TMEM117: variants seen among roughly 807,000 people sequenced by gnomAD.
The protein encoded by TMEM117 is transmembrane protein 117.
In TMEM117, 27 loss-of-function variants were observed where a neutral mutation model predicts 52.4. That is an observed-to-expected ratio of 0.51 (90% CI 0.38 to 0.71). The LOEUF (loss-of-function observed/expected upper bound fraction) is 0.71, where lower values mean the gene tolerates loss of function less well. Ranked by LOEUF, TMEM117 falls within the 30% of genes least tolerant of loss-of-function variation. The pLI is 0.00. For missense variants in TMEM117, 556 were observed against 630.5 expected (o/e 0.88, Z 1.26); for synonymous variants, 215 against 206.3 (o/e 1.04, Z -0.36).
At chr12:43,862,409 G>A (rs1261528510) in intron 2 of TMEM117, among the ~76,000 whole-genome samples, 1 of 152,082 alleles carries the variant, frequency 6.6e-6, no homozygotes, top group Non-Finnish European at 1.5e-5. Flanking sequence ...CACCTGCCTT[G>A]GCCTCCCAAA....
At chr12:44,265,817 T>C (rs1950371126) in intron 5 of TMEM117, among the ~76,000 whole-genome samples, 1 of 152,204 alleles carries the variant, frequency 6.6e-6, no homozygotes, top group African/African-American at 2.4e-5. Context: ...TTTATTTACC[T>C]ATTCTGGATA....
At chr12:44,042,761 T>C (rs1173052157) in intron 3 of TMEM117, among the ~76,000 whole-genome samples, 1 of 132,074 alleles carries the variant, frequency 7.6e-6, no homozygotes, top group Non-Finnish European at 1.6e-5. Flanking sequence ...CTTAATAAAC[T>C]ACACACACAC....
chr12:44,117,353 T>C (rs1334022352), intron 3 of TMEM117, among the ~76,000 whole-genome samples: 1 of 152,104 alleles, frequency 6.6e-6, no homozygotes, highest in African/African-American at 2.4e-5. Context: ...TGTTTTTTTT[T>C]CTTTAATTGT....
chr12:44,255,832 C>T (rs1314803141), intron 5 of TMEM117, among the ~76,000 whole-genome samples: 3 of 151,974 alleles, frequency 2.0e-5, no homozygotes, highest in Admixed American at 2.0e-4. Flanking sequence ...TTTCTATTAG[C>T]ATTTAAAAAA....
At position 44,090,839 on chromosome 12, in the gene TMEM117, G is replaced by GTTTTTTTTTTTTTTTT. The variant is rs1264179472; in HGVS notation, c.411-52677_411-52676insTTTTTTTTTTTTTTTT. The stretch of plus-strand genomic sequence containing the variant: ...CTAATTCTTAATCCTGTATTTATGT[G>GTTTTTTTTTTTTTTTT]TTTTTTTTTGTTTTTTTTTTTTTTT... On this transcript the variant is annotated intron_variant, in intron 3 of 7. Coordinates refer to ENST00000266534, the MANE Select transcript of TMEM117 (RefSeq NM_032256.3). 2.1e-4 allele frequency among the ~76,000 whole-genome samples: 22 copies of GTTTTTTTTTTTTTTTT among 104,794 alleles called. 2 individuals are homozygous for GTTTTTTTTTTTTTTTT. The highest frequency in any genetic ancestry group is 9.5e-4 in the African/African-American group (21 of 22,140). 68.7% of individuals were successfully genotyped at this position (104,794 alleles called of 152,430 possible).
chr12:43,840,816 T>G (rs1943105159), intron 1 of TMEM117, among the ~76,000 whole-genome samples: 1 of 152,172 alleles, frequency 6.6e-6, no homozygotes, highest in Non-Finnish European at 1.5e-5. Flanking sequence ...AATGGAAAGG[T>G]TTTGCAGACT....
intron 3 of TMEM117, among the ~76,000 whole-genome samples, chr12:43,970,871 G>T (rs1945572790): frequency 1.3e-5 from 2 of 152,006 alleles, no homozygotes; most frequent in East Asian, 1.9e-4. Flanking sequence ...TTATGCAGGA[G>T]ATTCTAAAAT....
At chr12:44,238,392 A>AG (rs1233147697) in intron 5 of TMEM117, among the ~76,000 whole-genome samples, 5 of 152,040 alleles carry the variant, frequency 3.3e-5, no homozygotes, top group Non-Finnish European at 7.4e-5. Flanking sequence ...AGAAGGAAGG[A>AG]GGGAGGGGAG....
At chr12:43,951,558 C>T (rs567626757) in intron 3 of TMEM117, among the ~76,000 whole-genome samples, 38 of 152,204 alleles carry the variant, frequency 2.5e-4, no homozygotes, top group Non-Finnish European at 4.8e-4. Context: ...CAGACTGCTT[C>T]TCTAGATCCT....
At chr12:43,865,152 A>G (rs975721997) in intron 2 of TMEM117, among the ~76,000 whole-genome samples, 4 of 152,190 alleles carry the variant, frequency 2.6e-5, no homozygotes, top group Admixed American at 6.5e-5. Flanking sequence ...CCGCGGCTTC[A>G]TTCTTGAAGT....
In TMEM117 at chr12:44,364,760, A is replaced by G. The variant is rs1022482131; in HGVS notation, c.769-11835A>G. On this transcript the variant is annotated intron_variant, in intron 6 of 7. Coordinates refer to ENST00000266534, the MANE Select transcript of TMEM117 (RefSeq NM_032256.3). ...AAAAATGTTATTGTTACCCATATAG[A>G]TCTTCTTGTGTTTTTGCACTGCCTT... Among the ~76,000 whole-genome samples the G allele has an allele frequency of 2.0e-5, 3 of 152,184 alleles. No homozygotes were observed. The East Asian group carries it at 5.8e-4, about 29-fold the overall frequency.
Position 43,851,557 on chromosome 12 carries a change from T to A in TMEM117, c.277+6629T>A, listed in dbSNP as rs553299731. Among the ~76,000 whole-genome samples, 18 of 152,318 alleles carry A rather than the reference T, an allele frequency of 1.2e-4. 1 individual carries two copies. The highest frequency in any genetic ancestry group is 2.4e-4 in the Non-Finnish European group (16 of 68,014). On this transcript the variant is annotated intron_variant, in intron 2 of 7. Coordinates refer to ENST00000266534, the MANE Select transcript of TMEM117 (RefSeq NM_032256.3). ...CATGAATAGAGACATCCAAAATTCT[T>A]ATGCCTACAATTAGGACTTATATTC...
chr12:44,068,466 T>C (rs1407569942), intron 3 of TMEM117, among the ~76,000 whole-genome samples: 1 of 152,218 alleles, frequency 6.6e-6, no homozygotes, highest in Non-Finnish European at 1.5e-5. Flanking sequence ...GAGGCCATTG[T>C]ATTAGTTATT....
the TMEM117 span, among the ~76,000 whole-genome samples, chr12:43,821,281 T>A: frequency 6.6e-6 from 1 of 152,094 alleles, no homozygotes; most frequent in Non-Finnish European, 1.5e-5. Context: ...AAAATACACA[T>A]AAGCACATGG....
At chr12:43,955,885 T>G (rs1945297991) in intron 3 of TMEM117, among the ~76,000 whole-genome samples, 1 of 152,124 alleles carries the variant, frequency 6.6e-6, no homozygotes, top group Non-Finnish European at 1.5e-5. Context: ...TATGATGCCT[T>G]TAAACTTACT....
At chr12:44,183,879 C>T (rs1949239990) in intron 4 of TMEM117, among the ~76,000 whole-genome samples, 1 of 152,158 alleles carries the variant, frequency 6.6e-6, no homozygotes, top group Non-Finnish European at 1.5e-5. Context: ...ATTTCACACG[C>T]AGCAAGACCT....
chr12:44,245,676 C>A (rs1370156827), intron 5 of TMEM117, among the ~76,000 whole-genome samples: 1 of 151,468 alleles, frequency 6.6e-6, no homozygotes, highest in East Asian at 1.9e-4. Context: ...TATTTGGATA[C>A]CTTTTATTTC....
At chr12:44,021,704 G>T (rs183506801) in intron 3 of TMEM117, among the ~76,000 whole-genome samples, 3 of 152,300 alleles carry the variant, frequency 2.0e-5, no homozygotes, top group African/African-American at 7.2e-5. Context: ...GCTGCCCTTT[G>T]ATCCCTCTAA....
chr12:43,813,282 C>T, the TMEM117 span, among the ~76,000 whole-genome samples: 2 of 120,182 alleles, frequency 1.7e-5, no homozygotes, highest in African/African-American at 6.5e-5. Context: ...CTTGCTCTGT[C>T]GCCCAGGCTG....
Sources: gnomAD v4.1 joint callset for allele counts (sites outside exome capture counted in the v4.1 genomes callset) on GRCh38, gnomAD v4.1.1 for gene constraint, MANE v1.5 for transcripts, NCBI Gene and HGNC (gene_info 2026-07-23, HGNC 2026-07-21) for gene names.